The following NLGN1 variants were observed in gnomAD, a reference collection of about 807,000 sequenced individuals.
NLGN1 encodes neuroligin-1.
In NLGN1, 12 loss-of-function variants were observed where a neutral mutation model predicts 65.5. The observed-to-expected ratio is 0.18, with a 90% CI of 0.12 to 0.30. The LOEUF (loss-of-function observed/expected upper bound fraction) is 0.30, where lower values mean the gene tolerates loss of function less well. Ranked by LOEUF, NLGN1 falls within the 10% of genes least tolerant of loss-of-function variation. The probability of loss-of-function intolerance (pLI) is 1.00; values close to 1 mark genes in which losing one functional copy is unlikely to be tolerated. For synonymous variants in NLGN1, 350 were observed against 359.5 expected (o/e 0.97, Z 0.30); for missense variants, 750 against 1,007.1 (o/e 0.74, Z 3.46).
intron 4 of NLGN1, among the ~76,000 whole-genome samples, chr3:174,062,001 C>T (rs1351004012): frequency 6.6e-6 from 1 of 152,042 alleles, no homozygotes; most frequent in Non-Finnish European, 1.5e-5. Context: ...CCTAGTTATT[C>T]CACAAGACTA....
intron 5 of NLGN1, among the ~76,000 whole-genome samples, chr3:174,277,577 T>G (rs1239414095): frequency 1.3e-5 from 2 of 151,954 alleles, no homozygotes; most frequent in African/African-American, 4.8e-5. Context: ...AACAGCTACA[T>G]AATTTTAAAA....
chr3:173,873,514 A>G (rs78511858), intron 4 of NLGN1, among the ~76,000 whole-genome samples: 5,527 of 152,326 alleles, frequency 0.036, 193 homozygotes, highest in African/African-American at 0.089. Context: ...AAAAGACAGA[A>G]GCATGTGTAA....
At chr3:173,501,252 C>T (rs1265862951) in intron 2 of NLGN1, among the ~76,000 whole-genome samples, 2 of 152,038 alleles carry the variant, frequency 1.3e-5, no homozygotes, top group Non-Finnish European at 2.9e-5. Context: ...GATGCTCTCC[C>T]TCCCCCGGCA....
intron 3 of NLGN1, among the ~76,000 whole-genome samples, chr3:173,677,081 A>T (rs1763267377): frequency 6.6e-6 from 1 of 152,096 alleles, no homozygotes; most frequent in Admixed American, 6.6e-5. Context: ...AAGACCTGAG[A>T]CTTAGGGAAA....
intron 4 of NLGN1, among the ~76,000 whole-genome samples, chr3:173,956,273 A>C (rs1262708300): frequency 1.3e-5 from 2 of 152,262 alleles, no homozygotes; most frequent in African/African-American, 4.8e-5. Context: ...TTCCTATTAC[A>C]ATATTATATA....
chr3:173,491,928 A>T (rs2149015200), intron 2 of NLGN1, among the ~76,000 whole-genome samples: 1 of 151,808 alleles, frequency 6.6e-6, no homozygotes, highest in South Asian at 2.1e-4. Flanking sequence ...ACCAAATTCC[A>T]TTTATTCTAC....
rs191415446 is a variant in NLGN1, at chr3:173,508,567, C to T, written c.-321+73489C>T. ...GAGAAAATGGGTTGGGGTAGAGGTA[C>T]GTGACTCTTCCCGTGGAAGTGGTTT... is the stretch of plus-strand genomic sequence containing the variant. On this transcript the variant is annotated intron_variant, in intron 2 of 6. Coordinates refer to ENST00000457714, the Ensembl canonical transcript of NLGN1. 2.6e-5 allele frequency among the ~76,000 whole-genome samples: 4 copies of T among 152,240 alleles called. No individual in the cohort carries two copies. In the East Asian group the frequency reaches 7.7e-4, roughly 29 times the overall value.
intron 4 of NLGN1, among the ~76,000 whole-genome samples, chr3:174,226,218 A>C (rs1411973622): frequency 6.6e-6 from 1 of 152,276 alleles, no homozygotes; most frequent in East Asian, 1.9e-4. Context: ...TGAGTGCCAA[A>C]AAAGTACATG....
intron 2 of NLGN1, among the ~76,000 whole-genome samples, chr3:173,601,099 C>T (rs1242506303): frequency 6.6e-6 from 1 of 151,910 alleles, no homozygotes; most frequent in African/African-American, 2.4e-5. Flanking sequence ...AATTTATGAG[C>T]TAGTATCCCC....
At chr3:173,906,897 A>T (rs1022739492) in intron 4 of NLGN1, among the ~76,000 whole-genome samples, 15 of 150,440 alleles carry the variant, frequency 1.0e-4, no homozygotes, top group East Asian at 3.9e-4. Context: ...AAAAAAAAAA[A>T]GAAAGGGAAG....
chr3:173,781,008 G>C (rs927327275), intron 3 of NLGN1, among the ~76,000 whole-genome samples: 2 of 151,754 alleles, frequency 1.3e-5, no homozygotes, highest in Non-Finnish European at 2.9e-5. Context: ...GCCAGGCGTG[G>C]TGGCGGGCGC....
intron 4 of NLGN1, among the ~76,000 whole-genome samples, chr3:174,005,162 C>A (rs1724105987): frequency 6.6e-6 from 1 of 152,028 alleles, no homozygotes; most frequent in Non-Finnish European, 1.5e-5. Context: ...ATAATTTGAT[C>A]TCTGTTTCAT....
At chr3:173,568,151 T>G (rs1559979673) in intron 2 of NLGN1, among the ~76,000 whole-genome samples, 3 of 151,544 alleles carry the variant, frequency 2.0e-5, no homozygotes, top group Non-Finnish European at 2.9e-5. Context: ...CTTCCTTCCT[T>G]CCTTTCCTTC....
intron 3 of NLGN1, among the ~76,000 whole-genome samples, chr3:173,722,013 T>C (rs958237375): frequency 5.9e-5 from 9 of 151,912 alleles, no homozygotes; most frequent in African/African-American, 1.7e-4. Context: ...TACTTCTCTA[T>C]TTCATGTGTC....
At chr3:174,256,278 A>T (rs145110947) in intron 4 of NLGN1, among the ~76,000 whole-genome samples, 1 of 152,198 alleles carries the variant, frequency 6.6e-6, no homozygotes, top group Non-Finnish European at 1.5e-5. Context: ...AAGAGCGCCA[A>T]TGGAAGTAAA....
chr3:173,979,213 C>A (rs1301182929), intron 4 of NLGN1, among the ~76,000 whole-genome samples: 2 of 151,848 alleles, frequency 1.3e-5, no homozygotes, highest in African/African-American at 4.8e-5. Context: ...AAGTAGATAA[C>A]TCTCCCACAA....
intron 2 of NLGN1, among the ~76,000 whole-genome samples, chr3:173,557,906 G>A (rs577685436): frequency 6.6e-6 from 1 of 151,936 alleles, no homozygotes; most frequent in East Asian, 1.9e-4. Context: ...GCTTCCTTTG[G>A]CATTTTTCTT....
chr3:173,444,670 A>G (rs1332282745), intron 2 of NLGN1, among the ~76,000 whole-genome samples: 1 of 152,156 alleles, frequency 6.6e-6, no homozygotes, highest in Non-Finnish European at 1.5e-5. Context: ...TTTACTTTTT[A>G]TATTTCCTGG....
At chr3:173,850,767 C>T (rs1726766104) in intron 4 of NLGN1, among the ~76,000 whole-genome samples, 1 of 152,052 alleles carries the variant, frequency 6.6e-6, no homozygotes, top group Non-Finnish European at 1.5e-5. Context: ...GACACTTTCT[C>T]ACTCTGTCAC....
Sources: gnomAD v4.1 joint callset for allele counts (sites outside exome capture counted in the v4.1 genomes callset) on GRCh38, gnomAD v4.1.1 for gene constraint, MANE v1.5 for transcripts, NCBI Gene and HGNC (gene_info 2026-07-23, HGNC 2026-07-21) for gene names.